DARS1: variants seen among roughly 807,000 people sequenced by gnomAD.
DARS1 encodes the protein aspartate--tRNA ligase, cytoplasmic.
DARS1 carries 51 observed loss-of-function variants against 68.8 expected under a neutral mutation model. That is an observed-to-expected ratio of 0.74 (90% confidence interval 0.59 to 0.94). DARS1 has a LOEUF of 0.94. Among genes scored for constraint, DARS1 ranks in the 40% least tolerant of loss-of-function variants. The pLI, the probability that DARS1 is intolerant of heterozygous loss-of-function variation, is 0.00. For synonymous variants in DARS1, 203 were observed against 190.4 expected (o/e 1.07, Z -0.55); for missense variants, 607 against 597.3 (o/e 1.02, Z -0.17).
At chr2:135,908,689 A>G (rs1680836243) in intron 15 of DARS1, among the ~76,000 whole-genome samples, 1 of 152,042 alleles carries the variant, frequency 6.6e-6, no homozygotes, top group African/African-American at 2.4e-5. Flanking sequence ...TTCTTCATAT[A>G]TTTGTTGGCT....
intron 3 of DARS1, among the ~76,000 whole-genome samples, chr2:135,969,419 G>A (rs1251249699): frequency 2.6e-5 from 4 of 152,010 alleles, no homozygotes; most frequent in African/African-American, 4.8e-5. Context: ...TGGGGCAGAG[G>A]ATAGGTAGTA....
intron 3 of DARS1, among the ~76,000 whole-genome samples, chr2:135,975,082 C>G (rs528847392): frequency 5.1e-4 from 78 of 152,220 alleles, no homozygotes; most frequent in African/African-American, 1.8e-3. Context: ...TAGTGGCTCA[C>G]GCCTGTAATC....
intron 4 of DARS1, among the ~76,000 whole-genome samples, chr2:135,950,331 T>C (rs1681814564): frequency 6.6e-6 from 1 of 152,198 alleles, no homozygotes; most frequent in Non-Finnish European, 1.5e-5. Flanking sequence ...TAAATGGAGA[T>C]TAGAAATGGC....
intron 3 of DARS1, among the ~76,000 whole-genome samples, chr2:135,973,735 T>G (rs1037756550): frequency 6.6e-6 from 1 of 152,010 alleles, no homozygotes; most frequent in Non-Finnish European, 1.5e-5. Flanking sequence ...CTGGGCGTGG[T>G]GACATGTGCC....
In DARS1 at chr2:135,985,600, C is replaced by T. The variant is rs758921456; in HGVS notation, c.-132G>A. ...GGTCTCAGCACACGCGCTCGGACTC[C>T]GCGTGGAGGTGCGGCTCCAGAAAGA... On this transcript the variant is annotated 5_prime_UTR_variant, in exon 1 of 16. Transcript: ENST00000264161. The T allele has an allele frequency of 3.9e-6, 6 of 1,531,600 alleles. No individual in the cohort carries two copies. In the South Asian group the frequency reaches 4.8e-5, roughly 12 times the overall value. The allele number at this position is 1,531,600 out of a possible 1,614,324, so 94.9% of individuals were successfully genotyped here.
chr2:135,954,287 C>G (rs1681911445), intron 4 of DARS1, among the ~76,000 whole-genome samples: 2 of 144,352 alleles, frequency 1.4e-5, no homozygotes, highest in Admixed American at 1.4e-4. Context: ...TCTCGATTTC[C>G]TCACCTGAAA....
chr2:135,935,548 C>T (rs575999166), intron 5 of DARS1, among the ~76,000 whole-genome samples: 25 of 151,926 alleles, frequency 1.6e-4, no homozygotes, highest in Non-Finnish European at 2.6e-4. Flanking sequence ...TGCAATGAGC[C>T]GAGATCCCGC....
intron 3 of DARS1, among the ~76,000 whole-genome samples, chr2:135,972,778 T>C (rs1682404092): frequency 6.6e-6 from 1 of 152,170 alleles, no homozygotes; most frequent in African/African-American, 2.4e-5. Context: ...TAAATAGACA[T>C]TTCTCAAAAG....
intron 9 of DARS1, 88 bp from the exon 10 acceptor site, chr2:135,920,688 G>T (rs1437269371): frequency 7.0e-7 from 1 of 1,424,776 alleles, no homozygotes; most frequent in Non-Finnish European, 9.2e-7. Flanking sequence ...TATTTAGTTG[G>T]ATTCCAGTGG....
intron 3 of DARS1, among the ~76,000 whole-genome samples, chr2:135,965,142 A>G (rs981323271): frequency 5.3e-5 from 8 of 152,170 alleles, no homozygotes; most frequent in African/African-American, 1.9e-4. Flanking sequence ...GGACATTACG[A>G]AATTTAAACA....
At chr2:135,925,104 C>A (rs191564911) in intron 7 of DARS1, among the ~76,000 whole-genome samples, 1 of 151,980 alleles carries the variant, frequency 6.6e-6, no homozygotes, top group Non-Finnish European at 1.5e-5. Context: ...CCTGTTCTTT[C>A]TATTCTCTCT....
In DARS1 at chr2:135,907,242, C is replaced by CTTTTTTTTTT. The variant is rs992435404; in HGVS notation, c.*64_*73dup. 1,570 of 453,502 alleles carry CTTTTTTTTTT rather than the reference C, an allele frequency of 3.5e-3. 123 individuals are homozygous for CTTTTTTTTTT. In the African/African-American group the frequency reaches 0.038, roughly 11 times the overall value. 28.1% of individuals were successfully genotyped at this position (453,502 alleles called of 1,614,324 possible). A position where few individuals can be genotyped will look rare whatever the true frequency, so the allele number is the denominator to read the frequency against. On this transcript the variant is annotated 3_prime_UTR_variant, in exon 16 of 16. Transcript: ENST00000264161. ...TACTGAAAAGAATAAGTGTGGCTTT[C>CTTTTTTTTTT]TTTTTTTTTTTTTTTTTTTGAGGCA... is the stretch of plus-strand genomic sequence containing the variant.
chr2:135,985,359 C>A (rs1451494601), intron 1 of DARS1, 44 bp downstream of exon 1: 1 of 1,605,694 alleles, frequency 6.2e-7, no homozygotes, highest in African/African-American at 1.3e-5. Context: ...CGCAGCCCGG[C>A]CCAGGGGTCT....
At chr2:135,965,414 T>G (rs1346063011) in intron 3 of DARS1, among the ~76,000 whole-genome samples, 3 of 151,868 alleles carry the variant, frequency 2.0e-5, no homozygotes, top group Non-Finnish European at 4.4e-5. Context: ...CCAAAACAGA[T>G]AATCTGAAGG....
chr2:135,916,512 A>C, intron 10 of DARS1, 140 bp from the exon 11 acceptor site: 1 of 443,318 alleles, frequency 2.3e-6, no homozygotes, highest in Non-Finnish European at 4.0e-6. Flanking sequence ...TTAAAGAATG[A>C]AATTTAAATA....
chr2:135,957,176 C>G (rs1210257878), intron 4 of DARS1, among the ~76,000 whole-genome samples: 1 of 151,994 alleles, frequency 6.6e-6, no homozygotes, highest in Non-Finnish European at 1.5e-5. Context: ...GTGATTCTCC[C>G]ACCTCAGCCT....
At chr2:135,959,818 T>G (rs1364571213) in intron 4 of DARS1, among the ~76,000 whole-genome samples, 2 of 152,192 alleles carry the variant, frequency 1.3e-5, no homozygotes, top group Non-Finnish European at 2.9e-5. Flanking sequence ...GAGGTTATAA[T>G]GCAGTTTAAT....
rs1476527788 is a variant in DARS1 at position 135,906,891 on chromosome 2, A to G, written c.*425T>C. 6.5e-6 allele frequency: 1 copy of G among 152,736 alleles called. No homozygotes were observed. Among genetic ancestry groups the G allele is most frequent in the Admixed American group, 6.5e-5 (1 of 15,268 alleles). The allele number at this position is 152,736 out of a possible 1,614,324, so 9.5% of individuals were successfully genotyped here. A position where few individuals can be genotyped will look rare whatever the true frequency, so the allele number is the denominator to read the frequency against. On this transcript the variant is annotated 3_prime_UTR_variant, in exon 16 of 16. Transcript: ENST00000264161. ...TACCTGAATTATTCTTATCTCAATG[A>G]CAGAATTTAAAAAAATAAGTTCAAA...
At chr2:135,939,181 TC>T (rs1275823902) in intron 5 of DARS1, among the ~76,000 whole-genome samples, 2 of 152,182 alleles carry the variant, frequency 1.3e-5, no homozygotes, top group Non-Finnish European at 2.9e-5. Flanking sequence ...TGCAGAACTC[TC>T]CACCCCAAAT....
Sources: allele counts gnomAD v4.1 joint callset (sites outside exome capture counted in the v4.1 genomes callset), GRCh38; gene constraint gnomAD v4.1.1; transcripts MANE v1.5; gene names NCBI Gene and HGNC (gene_info 2026-07-23, HGNC 2026-07-21).